CDH23: variants seen among roughly 807,000 people sequenced by gnomAD.
CDH23 encodes the protein cadherin related 23.
Under a neutral mutation model 317.1 loss-of-function variants are expected in CDH23, and 189 were observed. That is an observed-to-expected ratio of 0.60 (90% CI 0.53 to 0.67). The LOEUF is 0.67. CDH23 is among the 30% of genes least tolerant of loss of function. The pLI, the probability that CDH23 is intolerant of heterozygous loss-of-function variation, is 0.00. For synonymous variants in CDH23, 1,839 were observed against 1,876.8 expected (o/e 0.98, Z 0.52); for missense variants, 4,401 against 4,592.4 (o/e 0.96, Z 1.20).
In CDH23 at chr10:71,805,728, G is replaced by A. The variant is rs888168049; in HGVS notation, c.7873-78G>A. 12 of 1,409,052 alleles carry A rather than the reference G, an allele frequency of 8.5e-6. No homozygotes were observed. The African/African-American group carries it at 1.6e-4, about 19-fold the overall frequency. 87.3% of individuals were successfully genotyped at this position (1,409,052 alleles called of 1,614,324 possible). ...GGACATTCTGCTACGGCAGGAGAAA[G>A]AGCAAGGGCTCCCTCAGGACCTAGG... On this transcript the variant is annotated intron_variant, in intron 55 of 69. Coordinates refer to ENST00000224721, the MANE Select transcript of CDH23 (RefSeq NM_022124.6).
At chr10:71,574,858 G>A (rs543726193) in intron 8 of CDH23, among the ~76,000 whole-genome samples, 4 of 152,242 alleles carry the variant, frequency 2.6e-5, no homozygotes, top group African/African-American at 7.2e-5. Context: ...TGGGTGCAGA[G>A]CCCTGAGCCC....
intron 14 of CDH23, among the ~76,000 whole-genome samples, chr10:71,654,408 G>A (rs1863323708): frequency 6.6e-6 from 1 of 152,198 alleles, no homozygotes; most frequent in Non-Finnish European, 1.5e-5. Context: ...GTCAGCAAAG[G>A]CTGAAGTGCT....
At chr10:71,720,036 G>A (rs980667191) in intron 28 of CDH23, among the ~76,000 whole-genome samples, 2 of 152,228 alleles carry the variant, frequency 1.3e-5, no homozygotes, top group African/African-American at 2.4e-5. Flanking sequence ...GCCCCATGGC[G>A]CTCACCTTCC....
intron 14 of CDH23, among the ~76,000 whole-genome samples, chr10:71,664,753 G>A (rs1863815548): frequency 6.6e-6 from 1 of 152,150 alleles, no homozygotes; most frequent in Non-Finnish European, 1.5e-5. Flanking sequence ...TAGGAAAACT[G>A]AGGCTCAGAG....
Position 71,799,102 on chromosome 10 carries a change from G to A in CDH23, c.7055-9G>A, listed in dbSNP as rs2132967359. 6.2e-7 allele frequency: 1 copy of A among 1,607,972 alleles called. No homozygotes were observed. Among genetic ancestry groups the A allele is most frequent in the Non-Finnish European group, 8.5e-7 (1 of 1,175,168 alleles). On this transcript the variant is annotated splice_polypyrimidine_tract_variant and intron_variant, in intron 50 of 69. Coordinates refer to ENST00000224721, the MANE Select transcript of CDH23 (RefSeq NM_022124.6). ...GGCCAAAATGGCAGTGGGAGCCTCT[G>A]TGTCTTAGGGAAGGTCATTGCCAAC...
intron 3 of CDH23, among the ~76,000 whole-genome samples, chr10:71,473,773 G>A (rs547252571): frequency 6.6e-6 from 1 of 152,326 alleles, no homozygotes; most frequent in African/African-American, 2.4e-5. Context: ...CCAGGCCCTT[G>A]CAGTATGGCT....
chr10:71,476,170 C>T (rs776434980), intron 3 of CDH23, among the ~76,000 whole-genome samples: 2 of 152,138 alleles, frequency 1.3e-5, no homozygotes, highest in Non-Finnish European at 2.9e-5. Flanking sequence ...AGTTTTCCTT[C>T]CCCCTCCCAG....
Position 71,695,298 on chromosome 10 carries a change from G to A in CDH23, c.2290-120G>A, listed in dbSNP as rs969248515. 6.7e-6 allele frequency: 5 copies of A among 742,630 alleles called. No homozygotes were observed. The Admixed American group carries it at 8.0e-5, about 12-fold the overall frequency. The allele number at this position is 742,630 out of a possible 1,614,324, so 46.0% of individuals were successfully genotyped here. ...TCTGCCCAAGGCTCCCAAGGTTGGT[G>A]GAGCTGGCAGAATTAATGCGAAGAT... On this transcript the variant is annotated intron_variant, in intron 21 of 69. Coordinates refer to ENST00000224721, the MANE Select transcript of CDH23 (RefSeq NM_022124.6).
chr10:71,805,755 G>A, intron 55 of CDH23, 51 bp from the exon 56 acceptor site: 2 of 1,543,072 alleles, frequency 1.3e-6, no homozygotes, highest in Non-Finnish European at 1.8e-6. Flanking sequence ...GGACCTAGGA[G>A]CTGAGATTCT....
intron 9 of CDH23, among the ~76,000 whole-genome samples, chr10:71,590,237 C>G (rs1396229740): frequency 1.3e-5 from 2 of 152,264 alleles, no homozygotes; most frequent in Non-Finnish European, 2.9e-5. Context: ...ACAGAGATTT[C>G]AGAGCAGATA....
At chr10:71,606,587 C>T (rs1860538682) in intron 9 of CDH23, among the ~76,000 whole-genome samples, 1 of 152,208 alleles carries the variant, frequency 6.6e-6, no homozygotes, top group Non-Finnish European at 1.5e-5. Flanking sequence ...TAGGCATCTG[C>T]TGGGCACTTG....
intron 4 of CDH23, among the ~76,000 whole-genome samples, 191 bp downstream of exon 4, chr10:71,510,415 G>A (rs181251271): frequency 7.1e-4 from 108 of 152,238 alleles, no homozygotes; most frequent in Middle Eastern, 3.4e-3. Flanking sequence ...GTTGGAATGG[G>A]TGGCTAGAGG....
chr10:71,681,687 A>G (rs1454740608), intron 17 of CDH23, among the ~76,000 whole-genome samples: 2 of 152,240 alleles, frequency 1.3e-5, no homozygotes, highest in African/African-American at 2.4e-5. Context: ...CTGTAATCCT[A>G]GCACTTGGGG....
intron 38 of CDH23, chr10:71,760,906 T>A: frequency 6.2e-7 from 1 of 1,613,808 alleles, no homozygotes; most frequent in Non-Finnish European, 8.5e-7. Context: ...CACCACACAG[T>A]TGGATGGTGC....
At position 71,815,173 on chromosome 10, in the gene CDH23, C is replaced by T; in HGVS notation, c.9960C>T (p.Ala3320=). The T allele has an allele frequency of 6.2e-7, 1 of 1,611,486 alleles. No homozygotes were observed. The highest frequency in any genetic ancestry group is 8.5e-7 in the Non-Finnish European group (1 of 1,178,868). The change falls in exon 70 of 70, where the codon GCC becomes GCT. Residue 3320 remains alanine, a synonymous_variant. Coordinates refer to ENST00000224721, the MANE Select transcript of CDH23 (RefSeq NM_022124.6). ...TGGAGACGCTGACCGCTGCCGAGGC[C>T]ACTGCCTTCGAGCGCAACGCCCGCA... ...RSLETLTAAE[A]TAFERNARTE...
At chr10:71,460,195 C>G (rs1850908753) in intron 3 of CDH23, among the ~76,000 whole-genome samples, 1 of 152,244 alleles carries the variant, frequency 6.6e-6, no homozygotes, top group Non-Finnish European at 1.5e-5. Context: ...TGGCACAGAA[C>G]AGAGTGGATG....
chr10:71,476,150 A>G (rs1175007345), intron 3 of CDH23, among the ~76,000 whole-genome samples: 1 of 152,200 alleles, frequency 6.6e-6, no homozygotes, highest in Non-Finnish European at 1.5e-5. Flanking sequence ...GGCATCAACA[A>G]TGCAAGGGGA....
intron 42 of CDH23, 149 bp downstream of exon 42, chr10:71,784,569 C>G: frequency 9.4e-7 from 1 of 1,058,386 alleles, no homozygotes; most frequent in South Asian, 1.6e-5. Context: ...CCTTAATAGA[C>G]CTCTCGCCAC....
At chr10:71,527,039 C>T (rs1026112169) in intron 6 of CDH23, among the ~76,000 whole-genome samples, 1 of 152,200 alleles carries the variant, frequency 6.6e-6, no homozygotes, top group Non-Finnish European at 1.5e-5. Context: ...TAGGGCAGGA[C>T]ACCTGGACTG....
Sources: gnomAD v4.1 joint callset for allele counts (sites outside exome capture counted in the v4.1 genomes callset) on GRCh38, gnomAD v4.1.1 for gene constraint, MANE v1.5 for transcripts, NCBI Gene and HGNC (gene_info 2026-07-23, HGNC 2026-07-21) for gene names.